The following MLLT1 variants were observed in gnomAD, a reference collection of about 807,000 sequenced individuals.
MLLT1 encodes protein ENL.
In MLLT1, 11 loss-of-function variants were observed where a neutral mutation model predicts 55.1. The observed-to-expected ratio is 0.20, with a 90% CI of 0.13 to 0.33. The LOEUF (loss-of-function observed/expected upper bound fraction) is 0.33. Ranked by LOEUF, MLLT1 falls within the 10% of genes least tolerant of loss-of-function variation. The probability of loss-of-function intolerance (pLI) is 1.00; values close to 1 mark genes in which losing one functional copy is unlikely to be tolerated. For synonymous variants in MLLT1, 323 were observed against 320.1 expected, an observed-to-expected ratio of 1.01 and a Z score of -0.10; for missense variants, 536 against 760.6, an observed-to-expected ratio of 0.70 and a Z score of 3.47.
intron 3 of MLLT1, among the ~76,000 whole-genome samples, chr19:6,237,002 C>T (rs956499898): frequency 6.6e-6 from 1 of 152,258 alleles, no homozygotes; most frequent in African/African-American, 2.4e-5. Flanking sequence ...TCTCTGGCCT[C>T]GGGAAACTAA....
rs190601088 is a variant in MLLT1 at position 6,246,404 on chromosome 19, C to T, written c.277-15691G>A. Among the ~76,000 whole-genome samples, 12 of 152,276 alleles carry T rather than the reference C, an allele frequency of 7.9e-5. No individual in the cohort carries two copies. The East Asian group carries it at 1.3e-3, about 17-fold the overall frequency. On this transcript the variant is annotated intron_variant, in intron 3 of 11. Transcript: ENST00000252674. ...ACACAGACGTCCTTCAACAGGTGAA[C>T]GAATAAACAAACCGTAAGGCACCCA... is the stretch of plus-strand genomic sequence containing the variant.
At chr19:6,266,309 C>T (rs967131752) in intron 2 of MLLT1, among the ~76,000 whole-genome samples, 2 of 148,824 alleles carry the variant, frequency 1.3e-5, no homozygotes, top group African/African-American at 2.5e-5. Context: ...TTTTGGATTT[C>T]GGATTTTCAG....
intron 2 of MLLT1, among the ~76,000 whole-genome samples, chr19:6,265,933 C>T (rs770916935): frequency 5.3e-5 from 8 of 151,488 alleles, no homozygotes; most frequent in Non-Finnish European, 1.0e-4. Flanking sequence ...GAGCCGAGAA[C>T]GCGCCACTGC....
At position 6,222,120 on chromosome 19, in the gene MLLT1, C is replaced by T. The variant is rs2090904400; in HGVS notation, c.1110+1G>A. 6.6e-7 allele frequency: 1 copy of T among 1,511,578 alleles called. No homozygotes were observed. Among genetic ancestry groups the T allele is most frequent in the African/African-American group, 1.4e-5 (1 of 71,362 alleles). 93.6% of individuals were successfully genotyped at this position (1,511,578 alleles called of 1,614,324 possible). On this transcript the variant is annotated splice_donor_variant, in intron 6 of 11. Coordinates refer to ENST00000252674, the MANE Select transcript of MLLT1 (RefSeq NM_005934.4). LOFTEE classifies it high-confidence loss of function. This position sits in a 1 kb window ranked among gnomAD's most constrained non-coding sequence, Gnocchi z 4.1. ...CTGCCCTGCCCCCAGCACTCACTCA[C>T]CTCGGACTTGAAGGAGGCCTCGTCC...
chr19:6,266,512 A>C (rs970240706), intron 2 of MLLT1, among the ~76,000 whole-genome samples: 2 of 152,106 alleles, frequency 1.3e-5, no homozygotes, highest in African/African-American at 4.8e-5. Flanking sequence ...GCTGGAGTGC[A>C]GTGGTACGAC....
chr19:6,272,145 C>G (rs1228421196), intron 1 of MLLT1, among the ~76,000 whole-genome samples: 1 of 151,870 alleles, frequency 6.6e-6, no homozygotes, highest in Non-Finnish European at 1.5e-5. Flanking sequence ...AAGCCCGAGC[C>G]CCGCGCACGT....
intron 2 of MLLT1, among the ~76,000 whole-genome samples, chr19:6,269,274 C>T (rs946052562): frequency 4.6e-5 from 7 of 152,230 alleles, no homozygotes; most frequent in Non-Finnish European, 7.3e-5. Context: ...CCCCTGGACC[C>T]GTCTCCCCGT....
intron 8 of MLLT1, among the ~76,000 whole-genome samples, chr19:6,215,176 G>A (rs2090827324): frequency 6.6e-6 from 1 of 152,262 alleles, no homozygotes; most frequent in South Asian, 2.1e-4. Flanking sequence ...CGGCAACGCA[G>A]GGACAAGGCC....
At position 6,227,774 on chromosome 19, in the gene MLLT1, G is replaced by A. The variant is rs186028682; in HGVS notation, c.421-672C>T. ...GGCTACGGATGACGAAAGTTCTGGG[G>A]TCCTTCCAGGAGGGCTCCCAGGAAA... On this transcript the variant is annotated intron_variant, in intron 4 of 11. Coordinates refer to ENST00000252674, the MANE Select transcript of MLLT1 (RefSeq NM_005934.4). This position sits in a 1 kb window ranked among gnomAD's most constrained non-coding sequence, Gnocchi z 5.1. Among the ~76,000 whole-genome samples the A allele has an allele frequency of 7.2e-5, 11 of 152,320 alleles. No individual in the cohort carries two copies. The highest frequency in any genetic ancestry group is 2.6e-4 in the African/African-American group (11 of 41,566).
chr19:6,216,287 G>T, intron 8 of MLLT1, 118 bp downstream of exon 8: 2 of 724,156 alleles, frequency 2.8e-6, no homozygotes, highest in Non-Finnish European at 4.7e-6. Context: ...TCCCTGCTTT[G>T]GCCCTCCCAG....
At chr19:6,215,070 GGGATGA>G (rs2090826117) in intron 8 of MLLT1, among the ~76,000 whole-genome samples, 1 of 152,168 alleles carries the variant, frequency 6.6e-6, no homozygotes, top group Non-Finnish European at 1.5e-5. Flanking sequence ...ACAGGTGACT[GGGATGA>G]CGGCTGGGCA....
At chr19:6,213,916 C>G (rs539154404) in intron 9 of MLLT1, 23 bp downstream of exon 9, 1 of 1,470,348 alleles carries the variant, frequency 6.8e-7, no homozygotes, top group East Asian at 2.4e-5. Flanking sequence ...GGTGCACCCC[C>G]TGCCTGCAGG....
intron 8 of MLLT1, 117 bp downstream of exon 8, chr19:6,216,288 G>GGT (rs929908870): frequency 4.3e-5 from 32 of 736,260 alleles, no homozygotes; most frequent in Non-Finnish European, 6.9e-6. Flanking sequence ...CCCTGCTTTG[G>GGT]CCCTCCCAGG....
intron 3 of MLLT1, among the ~76,000 whole-genome samples, chr19:6,246,783 G>GTT: frequency 6.6e-6 from 1 of 152,176 alleles, no homozygotes; most frequent in Admixed American, 6.5e-5. Context: ...GATGGGCAGA[G>GTT]GGGGCAGACC....
chr19:6,210,533 T>G lies in MLLT1; in HGVS notation c.*2509A>C. The stretch of plus-strand genomic sequence containing the variant: ...TATTCCTTTTATCCAGGAGTTGGTC[T>G]CGGGCCGATGAGTGTCCTAGTTCCT... On this transcript the variant is annotated 3_prime_UTR_variant, in exon 12 of 12. Coordinates refer to ENST00000252674, the MANE Select transcript of MLLT1 (RefSeq NM_005934.4). This position sits in a 1 kb window ranked among gnomAD's most constrained non-coding sequence, Gnocchi z 4.6. The G allele has an allele frequency of 4.6e-6, 1 of 218,610 alleles. No homozygotes were observed. Among genetic ancestry groups the G allele is most frequent in the Non-Finnish European group, 9.2e-6 (1 of 108,610 alleles). 13.5% of individuals were successfully genotyped at this position (218,610 alleles called of 1,614,324 possible).
chr19:6,241,184 T>C lies in MLLT1; in HGVS notation c.277-10471A>G, dbSNP rs190747443. On this transcript the variant is annotated intron_variant, in intron 3 of 11. Coordinates refer to ENST00000252674, the MANE Select transcript of MLLT1 (RefSeq NM_005934.4). Reference sequence around the variant, plus strand: ...CCTCCTGCCTCCCTCATGCCCAGTATGAGGACAGCCTCTCTCTACCCTGAA... The same window carrying C: ...CCTCCTGCCTCCCTCATGCCCAGTACGAGGACAGCCTCTCTCTACCCTGAA... Among the ~76,000 whole-genome samples the C allele has an allele frequency of 4.2e-3, 634 of 152,226 alleles. 3 individuals carry two copies. The highest frequency in any genetic ancestry group is 0.013 in the African/African-American group (553 of 41,548).
chr19:6,245,887 T>C (rs2091163489), intron 3 of MLLT1, among the ~76,000 whole-genome samples: 1 of 151,456 alleles, frequency 6.6e-6, no homozygotes, highest in South Asian at 2.1e-4. Flanking sequence ...AGCGACACAG[T>C]AAGGCCCTGT....
At chr19:6,213,832 C>T (rs768075135) in intron 9 of MLLT1, 35 bp from the exon 10 acceptor site, 2 of 1,606,644 alleles carry the variant, frequency 1.2e-6, no homozygotes, top group South Asian at 2.2e-5. Flanking sequence ...GAGCTGTGGC[C>T]CACACCCTCC....
In MLLT1 at chr19:6,240,175, G is replaced by A. The variant is rs1360947965; in HGVS notation, c.277-9462C>T. Reference sequence around the variant, plus strand: ...GCAGCATTAGCCCAGGCCCCTTCACGCCTGCCTGACCGCTCAGCCTGGGAG... The same window carrying A: ...GCAGCATTAGCCCAGGCCCCTTCACACCTGCCTGACCGCTCAGCCTGGGAG... On this transcript the variant is annotated intron_variant, in intron 3 of 11. Transcript: ENST00000252674. This position sits in a 1 kb window ranked among gnomAD's most constrained non-coding sequence, Gnocchi z 4.7. Among the ~76,000 whole-genome samples the A allele has an allele frequency of 1.3e-5, 2 of 152,164 alleles. No individual in the cohort carries two copies. Among genetic ancestry groups the A allele is most frequent in the East Asian group, 1.9e-4 (1 of 5,190 alleles).
Sources: gnomAD v4.1 joint callset for allele counts (sites outside exome capture counted in the v4.1 genomes callset) on GRCh38, gnomAD v4.1.1 for gene constraint, Gnocchi (gnomAD v3.1) non-coding constraint, MANE v1.5 for transcripts, NCBI Gene and HGNC (gene_info 2026-07-23, HGNC 2026-07-21) for gene names.